TIA1: variants seen among roughly 807,000 people sequenced by gnomAD.
TIA1 encodes TIA1 cytotoxic granule associated RNA binding protein, also known as cytotoxic granule associated RNA binding protein TIA1.
TIA1 carries 23 observed loss-of-function variants against 65.9 expected under a neutral mutation model. The ratio of observed to expected loss-of-function variants is 0.35; its 90% CI spans 0.25 to 0.49. The LOEUF (loss-of-function observed/expected upper bound fraction) is 0.49, where lower values mean the gene tolerates loss of function less well. TIA1 is among the 20% of genes least tolerant of loss of function. The pLI is 0.98. For missense variants in TIA1, 371 were observed against 477.9 expected (o/e 0.78, Z 2.09); for synonymous variants, 147 against 149.4 (o/e 0.98, Z 0.12).
At chr2:70,230,562 G>C (rs541748065) in intron 3 of TIA1, among the ~76,000 whole-genome samples, 194 bp downstream of exon 3, 1 of 149,870 alleles carries the variant, frequency 6.7e-6, no homozygotes, top group Admixed American at 6.7e-5. Context: ...TGAGGCAGGA[G>C]AATCACTTGA....
chr2:70,228,259 C>T, intron 5 of TIA1: 1 of 1,097,550 alleles, frequency 9.1e-7, no homozygotes, highest in Non-Finnish European at 1.2e-6. Flanking sequence ...ACTAGATTTG[C>T]CTCAGTTAAC....
intron 1 of TIA1, among the ~76,000 whole-genome samples, chr2:70,240,412 A>C (rs1001572938): frequency 7.2e-5 from 11 of 152,206 alleles, no homozygotes; most frequent in Non-Finnish European, 1.3e-4. Context: ...TATTGTCCTA[A>C]AACAAAAACA....
rs1001092465 is a variant in TIA1 at position 70,211,367 on chromosome 2, T to C, written c.*1352A>G. ...GGTACCAAACGAATCAAAATAATGA[T>C]TGCACTGAGGATTCTCTTATCTGAA... On this transcript the variant is annotated 3_prime_UTR_variant, in exon 13 of 13. Transcript: ENST00000433529. The C allele has an allele frequency of 1.3e-5, 2 of 152,036 alleles. No homozygotes were observed. The highest frequency in any genetic ancestry group is 1.5e-5 in the Non-Finnish European group (1 of 68,012). 9.4% of individuals were successfully genotyped at this position (152,036 alleles called of 1,614,324 possible). A position where few individuals can be genotyped will look rare whatever the true frequency, so the allele number is the denominator to read the frequency against.
At chr2:70,228,572 T>C in intron 5 of TIA1, 1 of 1,105,430 alleles carries the variant, frequency 9.0e-7, no homozygotes, top group Non-Finnish European at 1.1e-6. Flanking sequence ...AAAAAGACAA[T>C]TATCAAAAAA....
At chr2:70,231,797 G>T (rs747497480) in intron 2 of TIA1, among the ~76,000 whole-genome samples, 2 of 152,110 alleles carry the variant, frequency 1.3e-5, no homozygotes, top group Non-Finnish European at 2.9e-5. Flanking sequence ...TTAAAATATA[G>T]GTAAATAGGC....
At chr2:70,221,896 C>T (rs1681571238) in intron 7 of TIA1, among the ~76,000 whole-genome samples, 1 of 151,740 alleles carries the variant, frequency 6.6e-6, no homozygotes, top group Non-Finnish European at 1.5e-5. Flanking sequence ...CAGGTGATTC[C>T]CCCACCTCTG....
intron 2 of TIA1, among the ~76,000 whole-genome samples, chr2:70,233,701 G>GT (rs1687546941): frequency 6.6e-6 from 1 of 151,554 alleles, no homozygotes; most frequent in East Asian, 1.9e-4. Flanking sequence ...GGGAGGCAGA[G>GT]TTTGCAGTGA....
intron 1 of TIA1, among the ~76,000 whole-genome samples, chr2:70,237,539 CAAAT>C: frequency 6.6e-6 from 1 of 152,124 alleles, no homozygotes; most frequent in East Asian, 1.9e-4. Flanking sequence ...TAAAAACACT[CAAAT>C]GAATCATCAT....
chr2:70,246,636 AG>A (rs1694469367), intron 1 of TIA1, among the ~76,000 whole-genome samples: 1 of 152,242 alleles, frequency 6.6e-6, no homozygotes, highest in Non-Finnish European at 1.5e-5. Context: ...CTGTAATCCC[AG>A]CACTCTGGGA....
intron 1 of TIA1, among the ~76,000 whole-genome samples, chr2:70,239,314 G>A (rs1348851610): frequency 6.6e-6 from 1 of 151,994 alleles, no homozygotes; most frequent in Non-Finnish European, 1.5e-5. Flanking sequence ...GGATGGTCTC[G>A]ATCTCCTGAC....
intron 2 of TIA1, 64 bp from the exon 3 acceptor site, chr2:70,230,918 TAA>T: frequency 3.4e-5 from 39 of 1,142,700 alleles, no homozygotes; most frequent in South Asian, 4.7e-5. Context: ...TAAAATTATG[TAA>T]AAAAAAAAAT....
At chr2:70,227,281 G>A (rs752001208) in intron 6 of TIA1, among the ~76,000 whole-genome samples, 57 of 152,182 alleles carry the variant, frequency 3.7e-4, no homozygotes, top group Middle Eastern at 3.4e-3. Flanking sequence ...TTTTAAAAGG[G>A]TGTAAATATC....
chr2:70,231,235 G>A (rs754621912), intron 2 of TIA1, among the ~76,000 whole-genome samples: 1 of 152,162 alleles, frequency 6.6e-6, no homozygotes, highest in Non-Finnish European at 1.5e-5. Flanking sequence ...CCGGGAGGTG[G>A]AGGTTGCAGT....
intron 5 of TIA1, chr2:70,228,755 A>G (rs1297317512): frequency 1.6e-6 from 2 of 1,288,520 alleles, no homozygotes; most frequent in Non-Finnish European, 2.0e-6. Flanking sequence ...AGCATTTGGA[A>G]GATCTGGGTA....
Position 70,248,526 on chromosome 2 carries a change from T to C in TIA1, c.-96A>G. 6.3e-7 allele frequency: 1 copy of C among 1,576,252 alleles called. No individual in the cohort carries two copies. Among genetic ancestry groups the C allele is most frequent in the Non-Finnish European group, 8.6e-7 (1 of 1,162,502 alleles). On this transcript the variant is annotated 5_prime_UTR_variant, in exon 1 of 13. Transcript: ENST00000433529. ...CGGTTATGGCTACAGGATAGTGGGG[T>C]TTCTCGGCTGACCAGAGGTTACTCC... is the stretch of plus-strand genomic sequence containing the variant.
chr2:70,248,698 C>T (rs1695642969), upstream of TIA1: 4 of 541,996 alleles, frequency 7.4e-6, no homozygotes, highest in Admixed American at 1.3e-4. Flanking sequence ...CTTGCACTCT[C>T]AACCTCCGGG....
At chr2:70,235,829 T>C (rs775232920) in intron 2 of TIA1, among the ~76,000 whole-genome samples, 1 of 152,188 alleles carries the variant, frequency 6.6e-6, no homozygotes, top group Non-Finnish European at 1.5e-5. Flanking sequence ...TAGAAATAAC[T>C]AGTTCTATTG....
chr2:70,241,958 G>A (rs766772252), intron 1 of TIA1, among the ~76,000 whole-genome samples: 2 of 151,626 alleles, frequency 1.3e-5, no homozygotes, highest in Non-Finnish European at 2.9e-5. Flanking sequence ...GAATGAAGGA[G>A]AATAAAGAGA....
intron 1 of TIA1, among the ~76,000 whole-genome samples, chr2:70,238,250 G>C (rs576397827): frequency 5.7e-4 from 78 of 137,816 alleles, no homozygotes; most frequent in African/African-American, 2.0e-3. Flanking sequence ...GAACATTGAC[G>C]TTCCCCCAAG....
Sources: allele counts gnomAD v4.1 joint callset (sites outside exome capture counted in the v4.1 genomes callset), GRCh38; gene constraint gnomAD v4.1.1; transcripts MANE v1.5; gene names NCBI Gene and HGNC (gene_info 2026-07-23, HGNC 2026-07-21).